The following CATSPERG variants were observed in gnomAD, a reference collection of about 807,000 sequenced individuals.
CATSPERG encodes the protein cation channel sperm-associated auxiliary subunit gamma.
In CATSPERG, 115 loss-of-function variants were observed where a neutral mutation model predicts 145.0. The ratio of observed to expected loss-of-function variants is 0.79; its 90% CI spans 0.68 to 0.93. The LOEUF is 0.93. Among genes scored for constraint, CATSPERG ranks in the 40% least tolerant of loss-of-function variants. The pLI, the probability that CATSPERG is intolerant of heterozygous loss-of-function variation, is 0.00. For synonymous variants in CATSPERG, 588 were observed against 589.0 expected (o/e 1.00, Z 0.02); for missense variants, 1,296 against 1,490.1 (o/e 0.87, Z 2.14).
At chr19:38,349,650 TTG>T (rs1470906956) in intron 7 of CATSPERG, 2 of 144,362 alleles carry the variant, frequency 1.4e-5, no homozygotes, top group East Asian at 2.0e-4. Context: ...TTGTTTTTTT[TTG>T]TTTGTTTGTT....
chr19:38,342,648 AG>A (rs1007087322), intron 3 of CATSPERG, among the ~76,000 whole-genome samples: 16 of 151,768 alleles, frequency 1.1e-4, no homozygotes, highest in Admixed American at 7.9e-4. Context: ...AAGAAAGTAA[AG>A]AAAGTCAGCC....
chr19:38,346,594 T>C lies in CATSPERG; in HGVS notation c.814T>C (p.Ser272Pro). The C allele has an allele frequency of 6.4e-7, 1 of 1,551,166 alleles. No homozygotes were observed. Among genetic ancestry groups the C allele is most frequent in the Non-Finnish European group, 8.7e-7 (1 of 1,146,558 alleles). The change falls in exon 7 of 29, where the codon TCT becomes CCT. Residue 272 changes from serine to proline, a missense_variant. By Grantham distance (74) the Ser-to-Pro change is moderately conservative (BLOSUM62 -1). Coordinates refer to ENST00000409235, the MANE Select transcript of CATSPERG (RefSeq NM_021185.5). ...GACTGACACCAGCTTCAAGGACTTC[T>C]CTCTCGTGGAGGTGAACGGTGTGGG... ...LMTDTSFKDFSLVELSIDSCW... is the reference protein window; with the variant it reads ...LMTDTSFKDFPLVELSIDSCW...
intron 3 of CATSPERG, 24 bp downstream of exon 3, chr19:38,337,670 G>C: frequency 6.5e-7 from 1 of 1,547,508 alleles, no homozygotes; most frequent in South Asian, 1.2e-5. Flanking sequence ...GCACGGATAG[G>C]CTCATTCTAT....
Position 38,364,588 on chromosome 19 carries a change from T to G in CATSPERG, c.2476-303T>G, listed in dbSNP as rs531172980. 2.6e-5 allele frequency among the ~76,000 whole-genome samples: 4 copies of G among 152,260 alleles called. No individual in the cohort carries two copies. The South Asian group carries it at 8.3e-4, about 32-fold the overall frequency. ...AGGCAGGCGGCTGGGAGGCGGAGGT[T>G]GTAGCAAGCCGAGATCACGCCACTG... On this transcript the variant is annotated intron_variant, in intron 20 of 28. Coordinates refer to ENST00000409235, the MANE Select transcript of CATSPERG (RefSeq NM_021185.5).
chr19:38,346,032 G>A (rs1970035804), intron 6 of CATSPERG, among the ~76,000 whole-genome samples: 1 of 152,168 alleles, frequency 6.6e-6, no homozygotes, highest in African/African-American at 2.4e-5. Context: ...TAGGGTAAAG[G>A]GCGGTAAGCG....
chr19:38,362,044 G>A, intron 17 of CATSPERG, 166 bp from the exon 18 acceptor site: 3 of 938,834 alleles, frequency 3.2e-6, no homozygotes, highest in Middle Eastern at 3.4e-4. Flanking sequence ...AGGCGTTGGG[G>A]GTGTGGCCGG....
At position 38,356,401 on chromosome 19, in the gene CATSPERG, T is replaced by A. The variant is rs1417270133; in HGVS notation, c.1136-83T>A. On this transcript the variant is annotated intron_variant, in intron 9 of 28. Transcript: ENST00000409235. ...CCAAGGACGGAGGGGCTGGTGGGCA[T>A]AAGGAGGGCAATCGGAGTTGGCTTG... is the stretch of plus-strand genomic sequence containing the variant. 1.6e-5 allele frequency: 20 copies of A among 1,244,992 alleles called. No individual in the cohort carries two copies. The East Asian group carries it at 4.7e-4, about 29-fold the overall frequency. The allele number at this position is 1,244,992 out of a possible 1,614,324, so 77.1% of individuals were successfully genotyped here.
intron 11 of CATSPERG, among the ~76,000 whole-genome samples, chr19:38,357,501 G>T (rs1053446888): frequency 1.4e-5 from 2 of 141,672 alleles, no homozygotes; most frequent in African/African-American, 5.1e-5. Flanking sequence ...GGGTGACAGA[G>T]CAAGACCCGG....
intron 14 of CATSPERG, chr19:38,360,180 A>C: frequency 1.0e-6 from 1 of 985,370 alleles, no homozygotes; most frequent in Non-Finnish European, 1.2e-6. Context: ...CGGCTCTAGG[A>C]ACCGTGGCTG....
intron 7 of CATSPERG, among the ~76,000 whole-genome samples, chr19:38,351,775 G>A (rs1340005972): frequency 6.6e-6 from 1 of 152,100 alleles, no homozygotes; most frequent in African/African-American, 2.4e-5. Context: ...AGCTAGGCAT[G>A]GTGGTGAGCA....
In CATSPERG at chr19:38,342,873, G is replaced by T. The variant is rs561649812; in HGVS notation, c.325-707G>T. Among the ~76,000 whole-genome samples, 132 of 152,020 alleles carry T rather than the reference G, an allele frequency of 8.7e-4. No homozygotes were observed. The Middle Eastern group carries it at 0.02, about 24-fold the overall frequency. ...TCCCCACCCTTTTCTATTCAGCCAG[G>T]ATCCCGCATCCCTGGGAGGTTGTCC... On this transcript the variant is annotated intron_variant, in intron 3 of 28. Coordinates refer to ENST00000409235, the MANE Select transcript of CATSPERG (RefSeq NM_021185.5).
chr19:38,367,088 C>T lies in CATSPERG; in HGVS notation c.2614-68C>T, dbSNP rs767293045. On this transcript the variant is annotated intron_variant, in intron 22 of 28. Coordinates refer to ENST00000409235, the MANE Select transcript of CATSPERG (RefSeq NM_021185.5). Reference sequence around the variant, plus strand: ...TGTGGGAGGGGGACTGTCCTTCCTGCCCCTTACCCCTCCAGGGGCCTGAGG... The same window carrying T: ...TGTGGGAGGGGGACTGTCCTTCCTGTCCCTTACCCCTCCAGGGGCCTGAGG... 1,195 of 1,458,884 alleles carry T rather than the reference C, an allele frequency of 8.2e-4. 4 individuals are homozygous for T. The highest frequency in any genetic ancestry group is 5.8e-3 in the Middle Eastern group (24 of 4,154). 90.4% of individuals were successfully genotyped at this position (1,458,884 alleles called of 1,614,324 possible). A position where few individuals can be genotyped will look rare whatever the true frequency, so the allele number is the denominator to read the frequency against.
intron 6 of CATSPERG, among the ~76,000 whole-genome samples, chr19:38,345,852 T>C (rs1377668029): frequency 6.6e-6 from 1 of 152,108 alleles, no homozygotes; most frequent in Non-Finnish European, 1.5e-5. Context: ...CACCCATTCA[T>C]TGATGCAGTC....
intron 12 of CATSPERG, 46 bp downstream of exon 12, chr19:38,358,374 G>A (rs1970284047): frequency 6.2e-7 from 1 of 1,613,992 alleles, no homozygotes; most frequent in Non-Finnish European, 8.5e-7. Context: ...TGTGGGCCAG[G>A]AGGGGCCCAG....
intron 8 of CATSPERG, among the ~76,000 whole-genome samples, chr19:38,352,968 C>T (rs1334972920): frequency 7.0e-6 from 1 of 143,460 alleles, no homozygotes; most frequent in Non-Finnish European, 1.5e-5. Flanking sequence ...TTTGAGGCTG[C>T]AGTGAGCTAT....
At chr19:38,341,342 G>A (rs1339666542) in intron 3 of CATSPERG, among the ~76,000 whole-genome samples, 7 of 152,300 alleles carry the variant, frequency 4.6e-5, no homozygotes, top group South Asian at 2.1e-4. Flanking sequence ...AGGAGATGAC[G>A]GGGACAGGAC....
At chr19:38,358,813 T>G (rs1970293680) in intron 13 of CATSPERG, among the ~76,000 whole-genome samples, 1 of 152,072 alleles carries the variant, frequency 6.6e-6, no homozygotes, top group African/African-American at 2.4e-5. Flanking sequence ...ACCCAGCCTG[T>G]GTGAGCAATA....
Position 38,356,552 on chromosome 19 carries a change from T to C in CATSPERG, c.1195+9T>C, listed in dbSNP as rs1490577508. 6.2e-7 allele frequency: 1 copy of C among 1,613,344 alleles called. No individual in the cohort carries two copies. The highest frequency in any genetic ancestry group is 2.2e-5 in the East Asian group (1 of 44,852). On this transcript the variant is annotated intron_variant, in intron 10 of 28. Coordinates refer to ENST00000409235, the MANE Select transcript of CATSPERG (RefSeq NM_021185.5). The stretch of plus-strand genomic sequence containing the variant: ...GTGCGAGCAGATAGGAGGTACTCAT[T>C]ACCCCGATGGGTCTGCGGTGGGAGG...
chr19:38,343,855 G>A (rs1483068126), intron 4 of CATSPERG, 131 bp downstream of exon 4: 10 of 1,398,150 alleles, frequency 7.2e-6, no homozygotes, highest in Non-Finnish European at 8.7e-6. Context: ...GGCCTAGAGG[G>A]GCCACACAGA....
Sources: gnomAD v4.1 joint callset for allele counts (sites outside exome capture counted in the v4.1 genomes callset) on GRCh38, gnomAD v4.1.1 for gene constraint, MANE v1.5 for transcripts, NCBI Gene and HGNC (gene_info 2026-07-23, HGNC 2026-07-21) for gene names.